ZXDC: variants seen among roughly 807,000 people sequenced by gnomAD.
ZXDC encodes zinc finger protein ZXDC.
Under a neutral mutation model 63.6 loss-of-function variants are expected in ZXDC, and 58 were observed. The observed-to-expected ratio is 0.91, with a 90% CI of 0.74 to 1.13. ZXDC has a LOEUF of 1.13. ZXDC is among the 50% of genes most tolerant of loss of function. ZXDC has a pLI of 0.00. For missense variants in ZXDC, 1,133 were observed against 1,148.9 expected (o/e 0.99, Z 0.20); for synonymous variants, 561 against 496.1 (o/e 1.13, Z -1.74).
At chr3:126,453,982 T>C in intron 7 of ZXDC, 2 of 943,818 alleles carry the variant, frequency 2.1e-6, no homozygotes, top group Non-Finnish European at 2.5e-6. Context: ...TATATATATA[T>C]GTGTACATAT....
In ZXDC at chr3:126,455,735, C is replaced by T. The variant is rs188587401; in HGVS notation, c.2212+3918G>A. ...CGTTGAGGCCGGGCATGGTGGCTCACGCCTGTAATCCCAGCACTTTGGGAG... is the reference window on the plus strand; with the variant it reads ...CGTTGAGGCCGGGCATGGTGGCTCATGCCTGTAATCCCAGCACTTTGGGAG... On this transcript the variant is annotated intron_variant, in intron 7 of 9. Coordinates refer to ENST00000389709, the MANE Select transcript of ZXDC (RefSeq NM_025112.5). Among the ~76,000 whole-genome samples the T allele has an allele frequency of 6.7e-3, 1,027 of 152,224 alleles. 10 individuals are homozygous for T. Among genetic ancestry groups the T allele is most frequent in the African/African-American group, 0.023 (976 of 41,538 alleles).
chr3:126,451,742 C>T (rs540489652), intron 7 of ZXDC: 91 of 985,292 alleles, frequency 9.2e-5, no homozygotes, highest in Non-Finnish European at 1.0e-4. Flanking sequence ...CATGATCTCA[C>T]GCTGTTACTG....
At chr3:126,440,575 T>C in intron 8 of ZXDC, 1 of 986,218 alleles carries the variant, frequency 1.0e-6, no homozygotes. Flanking sequence ...CCTCTGGTCC[T>C]GACTCTGTAC....
chr3:126,462,608 T>C (rs566734401), intron 5 of ZXDC, among the ~76,000 whole-genome samples: 82 of 152,232 alleles, frequency 5.4e-4, no homozygotes, highest in Non-Finnish European at 7.6e-4. Flanking sequence ...CTGCACCCTC[T>C]CCCCTCTAGG....
At position 126,438,390 on chromosome 3, in the gene ZXDC, C is replaced by T. The variant is rs1166416994; in HGVS notation, c.2562G>A (p.Leu854=). Residue 854 remains leucine (L), a synonymous_variant, in exon 10 of 10, where the codon CTG becomes CTA. Transcript: ENST00000389709. ...ATQFPGSTIN[L]QDLQ is the part of the protein sequence containing the mutation. ...GAGGCTGCCGTCACTGCAGATCCTGCAGGTTGATAGTGCTTCCTGGGAACT... is the reference window on the plus strand; with the variant it reads ...GAGGCTGCCGTCACTGCAGATCCTGTAGGTTGATAGTGCTTCCTGGGAACT... 1 of 1,613,348 alleles carries T rather than the reference C, an allele frequency of 6.2e-7. No homozygotes were observed. The highest frequency in any genetic ancestry group is 1.3e-5 in the African/African-American group (1 of 75,056).
intron 7 of ZXDC, chr3:126,450,610 C>A (rs1049976372): frequency 1.1e-5 from 5 of 447,210 alleles, no homozygotes; most frequent in South Asian, 6.3e-5. Context: ...CCCCTGCTGA[C>A]CCAGGGCCCC....
rs908311091 is a variant in ZXDC, at chr3:126,475,092, G to A, written c.774C>T (p.His258=). Residue 258 remains histidine (H), a synonymous_variant, in exon 1 of 10, where the codon CAC becomes CAT. Coordinates refer to ENST00000389709, the MANE Select transcript of ZXDC (RefSeq NM_025112.5). ...KFTTVYNLKA[H]MKGHEQESLF... ...GGCTCTCCTGCTCGTGGCCCTTCAT[G>A]TGCGCCTTGAGGTTATAGACCGTAG... The A allele has an allele frequency of 1.9e-6, 3 of 1,609,738 alleles. No individual in the cohort carries two copies. The highest frequency in any genetic ancestry group is 1.3e-5 in the African/African-American group (1 of 74,856).
Position 126,438,250 on chromosome 3 carries a change from C to A in ZXDC, c.*125G>T. 1.3e-6 allele frequency: 1 copy of A among 758,708 alleles called. No homozygotes were observed. 47.0% of individuals were successfully genotyped at this position (758,708 alleles called of 1,614,324 possible). Reference sequence around the variant, plus strand: ...ATTTTTGATAAATGTACCCAAAAGTCTCAAAAGGGCTACGCTGGTCTTCTG... The same window carrying A: ...ATTTTTGATAAATGTACCCAAAAGTATCAAAAGGGCTACGCTGGTCTTCTG... On this transcript the variant is annotated 3_prime_UTR_variant, in exon 10 of 10. Coordinates refer to ENST00000389709, the MANE Select transcript of ZXDC (RefSeq NM_025112.5).
intron 7 of ZXDC, among the ~76,000 whole-genome samples, chr3:126,444,380 A>T (rs1269120706): frequency 6.6e-6 from 1 of 152,072 alleles, no homozygotes. Flanking sequence ...AAAATACAAA[A>T]AATTAGCCAG....
In ZXDC at chr3:126,452,052, G is replaced by A. The variant is rs1352411177; in HGVS notation, c.2212+7601C>T. 8 of 984,968 alleles carry A rather than the reference G, an allele frequency of 8.1e-6. No homozygotes were observed. The African/African-American group carries it at 1.4e-4, about 17-fold the overall frequency. 61.0% of individuals were successfully genotyped at this position (984,968 alleles called of 1,614,324 possible). On this transcript the variant is annotated intron_variant, in intron 7 of 9. Coordinates refer to ENST00000389709, the MANE Select transcript of ZXDC (RefSeq NM_025112.5). The stretch of plus-strand genomic sequence containing the variant: ...TCTAATATTTTTTTTTCCCTAAAAG[G>A]CCAGCATTCACCTGTCAATAACTGG...
chr3:126,455,729 G>T (rs991925654), intron 7 of ZXDC, among the ~76,000 whole-genome samples: 2 of 152,314 alleles, frequency 1.3e-5, no homozygotes, highest in South Asian at 4.1e-4. Context: ...CGGGCATGGT[G>T]GCTCACGCCT....
chr3:126,452,406 G>A, intron 7 of ZXDC: 4 of 985,344 alleles, frequency 4.1e-6, no homozygotes, highest in Non-Finnish European at 4.8e-6. Context: ...CTCTGCCATC[G>A]AGACAGGTGC....
At chr3:126,444,518 C>T (rs1210553086) in intron 7 of ZXDC, among the ~76,000 whole-genome samples, 1 of 150,398 alleles carries the variant, frequency 6.6e-6, no homozygotes, top group African/African-American at 2.5e-5. Context: ...GGTGACAGAG[C>T]GAGACTCCCT....
At chr3:126,448,697 A>T (rs1044578185) in intron 7 of ZXDC, among the ~76,000 whole-genome samples, 1 of 152,226 alleles carries the variant, frequency 6.6e-6, no homozygotes, top group Admixed American at 6.5e-5. Flanking sequence ...GAACAGGGAC[A>T]GCGTATAGCA....
At chr3:126,446,316 C>G (rs1216499227) in intron 7 of ZXDC, among the ~76,000 whole-genome samples, 1 of 152,150 alleles carries the variant, frequency 6.6e-6, no homozygotes, top group African/African-American at 2.4e-5. Flanking sequence ...GCAAAGTGGT[C>G]AAGGGCCCCG....
chr3:126,467,434 C>A (rs528971620), intron 4 of ZXDC, among the ~76,000 whole-genome samples: 1 of 152,178 alleles, frequency 6.6e-6, no homozygotes, highest in Non-Finnish European at 1.5e-5. Context: ...AGCCTCTGCA[C>A]GGGCCTAAGC....
intron 5 of ZXDC, among the ~76,000 whole-genome samples, chr3:126,462,691 G>C (rs1205114834): frequency 1.3e-5 from 2 of 152,142 alleles, no homozygotes; most frequent in Admixed American, 1.3e-4. Flanking sequence ...TGTGCTCTGA[G>C]GATATTTTCC....
At chr3:126,440,446 T>C (rs1008534085) in intron 8 of ZXDC, 41 of 985,266 alleles carry the variant, frequency 4.2e-5, no homozygotes, top group Admixed American at 6.2e-5. Context: ...CGCTAGCTGG[T>C]AAGGGACAGA....
chr3:126,440,403 CTG>C lies in ZXDC; in HGVS notation c.2395-678_2395-677del. Reference sequence around the variant, plus strand: ...TGTTCCCATTTCATAGATGACAAAACTGAGGCCCGGAGTGCTTAAGTAACCAA... The same window carrying C: ...TGTTCCCATTTCATAGATGACAAAACAGGCCCGGAGTGCTTAAGTAACCAA... On this transcript the variant is annotated intron_variant, in intron 8 of 9. Transcript: ENST00000389709. 6 of 985,570 alleles carry C rather than the reference CTG, an allele frequency of 6.1e-6. No individual in the cohort carries two copies. In the South Asian group the frequency reaches 2.8e-4, roughly 46 times the overall value. 61.1% of individuals were successfully genotyped at this position (985,570 alleles called of 1,614,324 possible). A position where few individuals can be genotyped will look rare whatever the true frequency, so the allele number is the denominator to read the frequency against.
Sources: allele counts gnomAD v4.1 joint callset (sites outside exome capture counted in the v4.1 genomes callset), GRCh38; gene constraint gnomAD v4.1.1; transcripts MANE v1.5; gene names NCBI Gene and HGNC (gene_info 2026-07-23, HGNC 2026-07-21).